The following NR3C2 variants were observed in gnomAD, a reference collection of about 807,000 sequenced individuals.
NR3C2 encodes mineralocorticoid receptor.
NR3C2 carries 15 observed loss-of-function variants against 86.4 expected under a neutral mutation model. The observed-to-expected ratio is 0.17, with a 90% CI of 0.12 to 0.27. NR3C2 has a LOEUF of 0.27. NR3C2 is among the 10% of genes least tolerant of loss of function. The pLI is 1.00. For missense variants in NR3C2, 960 were observed against 1,195.6 expected, an observed-to-expected ratio of 0.80 and a Z score of 2.91; for synonymous variants, 458 against 450.5, an observed-to-expected ratio of 1.02 and a Z score of -0.21.
rs5525 is a variant in NR3C2, at chr4:148,435,364, A to G, written c.1497T>C (p.Asp499=). The stretch of plus-strand genomic sequence containing the variant: ...TGCTGGCCTCTGGGTAATAGCTCCC[A>G]TCATCTGGTTCTTGTTTAATACCCA... ...FPVGIKQEPD[D]GSYYPEASIP... Residue 499 remains aspartate, a synonymous_variant, in exon 2 of 9, where the codon GAT becomes GAC. Coordinates refer to ENST00000358102, the MANE Select transcript of NR3C2 (RefSeq NM_000901.5). 0.88 allele frequency: 1,427,122 copies of G among 1,614,036 alleles called. 631,575 individuals carry two copies. The highest frequency in any genetic ancestry group is 0.92 in the Middle Eastern group (5,602 of 6,060).
At chr4:148,426,669 C>A (rs1021647936) in intron 2 of NR3C2, among the ~76,000 whole-genome samples, 1 of 152,204 alleles carries the variant, frequency 6.6e-6, no homozygotes, top group Non-Finnish European at 1.5e-5. Context: ...AAGTTCCTAA[C>A]AAAATGCACT....
intron 3 of NR3C2, among the ~76,000 whole-genome samples, chr4:148,221,671 T>A (rs553088535): frequency 6.6e-6 from 1 of 152,110 alleles, no homozygotes; most frequent in Non-Finnish European, 1.5e-5. Context: ...GGCAGGTGGA[T>A]CACTTGAGGC....
At chr4:148,202,209 C>T (rs1393231020) in intron 3 of NR3C2, among the ~76,000 whole-genome samples, 1 of 152,226 alleles carries the variant, frequency 6.6e-6, no homozygotes, top group Admixed American at 6.5e-5. Flanking sequence ...CCCGTCCCCA[C>T]AGAGAGGTGG....
intron 6 of NR3C2, 131 bp downstream of exon 6, chr4:148,152,338 T>A: frequency 1.0e-6 from 1 of 987,794 alleles, no homozygotes; most frequent in Non-Finnish European, 1.5e-6. Context: ...GATCTGTAAA[T>A]TTTTAACGTT....
At chr4:148,113,873 T>G (rs558804459) in intron 8 of NR3C2, among the ~76,000 whole-genome samples, 1 of 152,284 alleles carries the variant, frequency 6.6e-6, no homozygotes, top group East Asian at 1.9e-4. Context: ...GGGAGTGGTT[T>G]TCTGGCACTA....
chr4:148,297,435 T>C (rs1312582684), intron 2 of NR3C2, among the ~76,000 whole-genome samples: 4 of 152,052 alleles, frequency 2.6e-5, no homozygotes, highest in Non-Finnish European at 4.4e-5. Flanking sequence ...GAATCAACCA[T>C]AGAATTCTTT....
At chr4:148,374,670 T>C (rs1746586243) in intron 2 of NR3C2, among the ~76,000 whole-genome samples, 1 of 152,192 alleles carries the variant, frequency 6.6e-6, no homozygotes, top group South Asian at 2.1e-4. Context: ...TGAGGCAAAG[T>C]AGCCAATATT....
intron 3 of NR3C2, among the ~76,000 whole-genome samples, chr4:148,222,897 T>A (rs1737933374): frequency 6.6e-6 from 1 of 152,036 alleles, no homozygotes; most frequent in South Asian, 2.1e-4. Flanking sequence ...GGGAGCCGCA[T>A]GAAGTAGATT....
At chr4:148,278,769 T>C (rs1741088700) in intron 2 of NR3C2, among the ~76,000 whole-genome samples, 1 of 152,082 alleles carries the variant, frequency 6.6e-6, no homozygotes, top group African/African-American at 2.4e-5. Context: ...TATACCCACA[T>C]TCGTTAACAT....
chr4:148,131,880 C>A (rs1390317641), intron 6 of NR3C2, among the ~76,000 whole-genome samples: 2 of 152,162 alleles, frequency 1.3e-5, no homozygotes, highest in Non-Finnish European at 2.9e-5. Flanking sequence ...CATCAAATAT[C>A]CACTGACTTT....
At chr4:148,129,855 C>G (rs1392936848) in intron 6 of NR3C2, among the ~76,000 whole-genome samples, 1 of 152,146 alleles carries the variant, frequency 6.6e-6, no homozygotes, top group African/African-American at 2.4e-5. Flanking sequence ...CGCTTCGCCT[C>G]CCAAAGTGCT....
At chr4:148,317,460 C>T (rs993044202) in intron 2 of NR3C2, among the ~76,000 whole-genome samples, 9 of 151,836 alleles carry the variant, frequency 5.9e-5, no homozygotes, top group African/African-American at 9.7e-5. Flanking sequence ...TCTTCATATC[C>T]GCAATATCCC....
At chr4:148,153,009 G>A (rs1484596757) in intron 5 of NR3C2, among the ~76,000 whole-genome samples, 1 of 152,138 alleles carries the variant, frequency 6.6e-6, no homozygotes, top group Non-Finnish European at 1.5e-5. Flanking sequence ...CTGTGTATCT[G>A]CAATAATGGT....
chr4:148,201,612 A>G (rs1049252481), intron 3 of NR3C2, among the ~76,000 whole-genome samples: 18 of 151,956 alleles, frequency 1.2e-4, no homozygotes, highest in African/African-American at 4.1e-4. Flanking sequence ...AACTATAGAC[A>G]GTAGTCAGCA....
At chr4:148,356,872 A>T (rs1745570228) in intron 2 of NR3C2, among the ~76,000 whole-genome samples, 1 of 147,006 alleles carries the variant, frequency 6.8e-6, no homozygotes. Flanking sequence ...TATATTTTCA[A>T]TGAACAAAAG....
intron 2 of NR3C2, among the ~76,000 whole-genome samples, chr4:148,336,877 C>T (rs1045709979): frequency 6.6e-6 from 1 of 152,118 alleles, no homozygotes; most frequent in Non-Finnish European, 1.5e-5. Context: ...CTGTAGCCTC[C>T]AACTCCCAGG....
chr4:148,445,045 C>G (rs1461132466), upstream of NR3C2: 2 of 971,218 alleles, frequency 2.1e-6, no homozygotes, highest in Admixed American at 6.2e-5. Flanking sequence ...GAGGCGGCAC[C>G]GCGTCCGGCC....
In NR3C2 at chr4:148,440,790, T is replaced by C. The variant is rs575536452; in HGVS notation, c.-3+1370A>G. Among the ~76,000 whole-genome samples, 3 of 152,358 alleles carry C rather than the reference T, an allele frequency of 2.0e-5. No individual in the cohort carries two copies. In the South Asian group the frequency reaches 6.2e-4, roughly 32 times the overall value. On this transcript the variant is annotated intron_variant, in intron 1 of 8. Transcript: ENST00000358102. ...ATTGCCCTTTTCCATAAAGAAGTACTTTTTTCGGGAATATTAACAAAGATC... is the reference window on the plus strand; with the variant it reads ...ATTGCCCTTTTCCATAAAGAAGTACCTTTTTCGGGAATATTAACAAAGATC...
intron 4 of NR3C2, among the ~76,000 whole-genome samples, chr4:148,178,484 G>A (rs886536126): frequency 2.6e-5 from 4 of 151,660 alleles, no homozygotes; most frequent in Non-Finnish European, 5.9e-5. Flanking sequence ...ATTTTGCCAC[G>A]ATTTCAAGGA....
Sources: allele counts gnomAD v4.1 joint callset (sites outside exome capture counted in the v4.1 genomes callset), GRCh38; gene constraint gnomAD v4.1.1; transcripts MANE v1.5; gene names NCBI Gene and HGNC (gene_info 2026-07-23, HGNC 2026-07-21).